Variants in RAB27A observed in about 807,000 individuals in gnomAD.
RAB27A encodes RAB27A, member RAS oncogene family, also known as ras-related protein Rab-27A.
A neutral mutation model predicts 20.8 loss-of-function variants in RAB27A; 17 were observed. The observed-to-expected ratio is 0.82, with a 90% confidence interval of 0.56 to 1.23. The LOEUF (loss-of-function observed/expected upper bound fraction) is 1.23. Among genes scored for constraint, RAB27A ranks in the 50% most tolerant of loss-of-function variants. The pLI is 0.00. For synonymous variants in RAB27A, 85 were observed against 92.8 expected, an observed-to-expected ratio of 0.92 and a Z score of 0.48; for missense variants, 277 against 266.7, an observed-to-expected ratio of 1.04 and a Z score of -0.27.
rs544071097 is a variant in RAB27A at position 55,306,531 on chromosome 15, C to T, written c.-112+7508G>A. Among the ~76,000 whole-genome samples the T allele has an allele frequency of 4.0e-4, 61 of 152,196 alleles. 1 individual carries two copies. Among genetic ancestry groups the T allele is most frequent in the Admixed American group, 5.2e-4 (8 of 15,282 alleles). On this transcript the variant is annotated intron_variant, in intron 2 of 5. Transcript: ENST00000563262. ...TCTCTTGCCTGATCTTGAACTCCAC[C>T]CCTATCAGACATACCAGTATGGGTG...
chr15:55,290,634 C>G (rs1257361386), upstream of RAB27A, among the ~76,000 whole-genome samples: 1 of 152,240 alleles, frequency 6.6e-6, no homozygotes, highest in African/African-American at 2.4e-5. Flanking sequence ...CCCAGCGGCT[C>G]TCTTCTCCCA....
intron 1 of RAB27A, among the ~76,000 whole-genome samples, chr15:55,318,126 C>T: frequency 7.0e-6 from 1 of 142,410 alleles, no homozygotes. Flanking sequence ...GAGACGGAGT[C>T]TCGCTCTGTC....
At chr15:55,271,685 TG>T (rs569660093) in intron 1 of RAB27A, among the ~76,000 whole-genome samples, 1 of 152,278 alleles carries the variant, frequency 6.6e-6, no homozygotes, top group African/African-American at 2.4e-5. Flanking sequence ...TCTTGTTTTT[TG>T]TTCATTCACC....
chr15:55,318,707 AAAAAAC>A (rs1224330323), intron 1 of RAB27A, among the ~76,000 whole-genome samples: 4 of 121,112 alleles, frequency 3.3e-5, no homozygotes, highest in Non-Finnish European at 6.3e-5. Context: ...GTCTCAAAAA[AAAAAAC>A]AAAAACAAAA....
chr15:55,309,688 T>G (rs1193374687), intron 2 of RAB27A, among the ~76,000 whole-genome samples: 1 of 152,208 alleles, frequency 6.6e-6, no homozygotes, highest in Non-Finnish European at 1.5e-5. Flanking sequence ...TAAACCACTC[T>G]GCTTCCTCTG....
intron 2 of RAB27A, among the ~76,000 whole-genome samples, chr15:55,248,687 T>C (rs1896779448): frequency 6.6e-6 from 1 of 152,228 alleles, no homozygotes; most frequent in South Asian, 2.1e-4. Flanking sequence ...GTTTATTATA[T>C]GCCAACTTAG....
intron 2 of RAB27A, among the ~76,000 whole-genome samples, chr15:55,248,801 T>C (rs966399743): frequency 1.3e-5 from 2 of 152,212 alleles, no homozygotes; most frequent in Non-Finnish European, 2.9e-5. Flanking sequence ...CTTCCATTTG[T>C]TGTCAATAAG....
intron 5 of RAB27A, among the ~76,000 whole-genome samples, chr15:55,227,200 A>G (rs529947025): frequency 7.9e-5 from 12 of 152,352 alleles, no homozygotes; most frequent in African/African-American, 2.6e-4. Context: ...TTATCCAACT[A>G]GTTAGCCAGG....
intron 1 of RAB27A, among the ~76,000 whole-genome samples, chr15:55,284,285 T>C (rs1898091746): frequency 6.6e-6 from 1 of 152,216 alleles, no homozygotes; most frequent in Admixed American, 6.5e-5. Context: ...CATATGTATA[T>C]CTTCCATATT....
intron 6 of RAB27A, among the ~76,000 whole-genome samples, chr15:55,209,508 T>A (rs545382710): frequency 2.0e-5 from 3 of 152,228 alleles, no homozygotes; most frequent in African/African-American, 7.2e-5. Flanking sequence ...CCATTGTATA[T>A]ATAAACCATA....
chr15:55,241,619 T>TATAC (rs1896490204), intron 2 of RAB27A, among the ~76,000 whole-genome samples: 1 of 132,642 alleles, frequency 7.5e-6, no homozygotes, highest in African/African-American at 3.7e-5. Flanking sequence ...TATATATATA[T>TATAC]ATATATGTGT....
intron 6 of RAB27A, among the ~76,000 whole-genome samples, chr15:55,211,191 G>C (rs1188741445): frequency 6.6e-6 from 1 of 152,016 alleles, no homozygotes; most frequent in Non-Finnish European, 1.5e-5. Flanking sequence ...GTCAGTGTGA[G>C]GTCTCCAGCT....
chr15:55,207,346 G>T (rs1894701376), intron 6 of RAB27A, among the ~76,000 whole-genome samples: 1 of 152,152 alleles, frequency 6.6e-6, no homozygotes, highest in Non-Finnish European at 1.5e-5. Context: ...TGAGTTACAG[G>T]GATACATGAG....
At chr15:55,253,729 G>C (rs1463189709) in intron 2 of RAB27A, among the ~76,000 whole-genome samples, 1 of 149,460 alleles carries the variant, frequency 6.7e-6, no homozygotes, top group East Asian at 1.9e-4. Context: ...GAAAGAACAA[G>C]AGCCTTGTTT....
Position 55,209,874 on chromosome 15 carries a change from ATATG to A in RAB27A, c.468-4173_468-4170del, listed in dbSNP as rs1176799380. On this transcript the variant is annotated intron_variant, in intron 6 of 6. Transcript: ENST00000336787. ...TATGTGTGTATATACATATATACAT[ATATG>A]TGTGTGTATACATATATACACATAT... 1.2e-3 allele frequency among the ~76,000 whole-genome samples: 18 copies of A among 15,426 alleles called. 1 individual carries two copies. In the East Asian group the frequency reaches 0.047, roughly 40 times the overall value. The allele number at this position is 15,426 out of a possible 152,430, so 10.1% of individuals were successfully genotyped here. A position where few individuals can be genotyped will look rare whatever the true frequency, so the allele number is the denominator to read the frequency against.
At chr15:55,241,526 C>A (rs921156759) in intron 2 of RAB27A, among the ~76,000 whole-genome samples, 3 of 150,014 alleles carry the variant, frequency 2.0e-5, no homozygotes, top group African/African-American at 7.5e-5. Context: ...ATACCAGTGA[C>A]TGAGGAGGCT....
chr15:55,304,334 G>T (rs528893186), intron 2 of RAB27A, among the ~76,000 whole-genome samples: 1 of 151,356 alleles, frequency 6.6e-6, no homozygotes, highest in Non-Finnish European at 1.5e-5. Flanking sequence ...GCGGAAGGCC[G>T]CAGGGTCCTC....
intron 6 of RAB27A, among the ~76,000 whole-genome samples, chr15:55,213,673 T>C (rs140312017): frequency 4.0e-4 from 61 of 152,172 alleles, no homozygotes; most frequent in Admixed American, 9.2e-4. Flanking sequence ...ACAAGCCATA[T>C]TGTGAACTGC....
chr15:55,219,108 C>A (rs1249818050), intron 6 of RAB27A, among the ~76,000 whole-genome samples: 5 of 152,134 alleles, frequency 3.3e-5, no homozygotes, highest in African/African-American at 1.2e-4. Context: ...CTTATTATGA[C>A]CACCAACTAT....
Sources: allele counts gnomAD v4.1 joint callset (sites outside exome capture counted in the v4.1 genomes callset), GRCh38; gene constraint gnomAD v4.1.1; transcripts MANE v1.5; gene names NCBI Gene and HGNC (gene_info 2026-07-23, HGNC 2026-07-21).